Variants in SMC1B observed in about 807,000 individuals in gnomAD.
SMC1B encodes the protein structural maintenance of chromosomes 1B, also known as structural maintenance of chromosomes protein 1B.
Under a neutral mutation model 157.9 loss-of-function variants are expected in SMC1B, and 60 were observed. The observed-to-expected ratio is 0.38, with a 90% CI of 0.31 to 0.47. The LOEUF is 0.47. SMC1B is among the 20% of genes least tolerant of loss of function. SMC1B has a pLI of 0.99. For synonymous variants in SMC1B, 445 were observed against 483.0 expected (o/e 0.92, Z 1.03); for missense variants, 1,165 against 1,426.2 (o/e 0.82, Z 2.95).
chr22:45,350,514 G>A (rs2086603261), intron 22 of SMC1B, among the ~76,000 whole-genome samples: 1 of 152,260 alleles, frequency 6.6e-6, no homozygotes. Flanking sequence ...CTGACCTTGT[G>A]ATCTGCCTGC....
At chr22:45,361,130 G>T (rs1387632774) in intron 17 of SMC1B, among the ~76,000 whole-genome samples, 3 of 152,172 alleles carry the variant, frequency 2.0e-5, no homozygotes. Context: ...GGAAATTAAG[G>T]TATCATATGT....
In SMC1B at chr22:45,379,251, A is replaced by G. The variant is rs374683498; in HGVS notation, c.2058+4216T>C. Among the ~76,000 whole-genome samples the G allele has an allele frequency of 1.1e-4, 16 of 152,338 alleles. No homozygotes were observed. The East Asian group carries it at 3.1e-3, about 29-fold the overall frequency. On this transcript the variant is annotated intron_variant, in intron 12 of 24. Transcript: ENST00000357450. ...GTGATCCACCCACCTTGGCCTCCCA[A>G]AGTGTTGGGATTACAGGCGTGGGCC...
intron 11 of SMC1B, among the ~76,000 whole-genome samples, chr22:45,384,536 A>G (rs534667681): frequency 1.3e-5 from 2 of 152,212 alleles, no homozygotes; most frequent in South Asian, 4.1e-4. Context: ...CCTGGCCAAC[A>G]TGGTGAAACC....
chr22:45,354,178 TTC>T (rs1197549698), intron 20 of SMC1B, 46 bp from the exon 21 acceptor site: 40 of 1,404,744 alleles, frequency 2.8e-5, no homozygotes, highest in Non-Finnish European at 3.8e-5. Context: ...ACTGAGGAGG[TTC>T]TTTTACTTAA....
intron 19 of SMC1B, among the ~76,000 whole-genome samples, chr22:45,356,455 GGTTAAGGACTTGCCCCAGAGAGAA>G (rs2146768716): frequency 6.6e-6 from 1 of 152,298 alleles, no homozygotes; most frequent in East Asian, 1.9e-4. Context: ...ATTTTACCAA[GGTTAAGGACTTGCCCCAGAGAGAA>G]GTCTGTGCCT....
intron 19 of SMC1B, 106 bp from the exon 20 acceptor site, chr22:45,355,221 C>CA: frequency 1.9e-6 from 2 of 1,067,504 alleles, no homozygotes; most frequent in Non-Finnish European, 2.8e-6. Flanking sequence ...CCTGTGCATC[C>CA]ACTCCTTCTC....
intron 1 of SMC1B, among the ~76,000 whole-genome samples, chr22:45,412,236 T>C (rs1476309039): frequency 2.0e-5 from 3 of 151,184 alleles, no homozygotes; most frequent in Non-Finnish European, 4.4e-5. Flanking sequence ...GTCTCGCTCT[T>C]GTTACCCAGG....
rs2087090549 is a variant in SMC1B, at chr22:45,393,850, TAAC to T, written c.1338-12_1338-10del. 9 of 1,593,688 alleles carry T rather than the reference TAAC, an allele frequency of 5.6e-6. No individual in the cohort carries two copies. The East Asian group carries it at 2.0e-4, about 36-fold the overall frequency. ...TCTCTTTCAAGCAATCCCTACAAAATAACAACAAATTATACAGCAAAATGATAA... is the reference window on the plus strand; with the variant it reads ...TCTCTTTCAAGCAATCCCTACAAAATAACAAATTATACAGCAAAATGATAA... On this transcript the variant is annotated splice_polypyrimidine_tract_variant and intron_variant, in intron 8 of 24. Transcript: ENST00000357450.
chr22:45,393,856 C>A lies in SMC1B; in HGVS notation c.1338-15G>T, dbSNP rs575291390. On this transcript the variant is annotated splice_polypyrimidine_tract_variant and intron_variant, in intron 8 of 24. Transcript: ENST00000357450. ...TCAAGCAATCCCTACAAAATAACAA[C>A]AAATTATACAGCAAAATGATAAACC... The A allele has an allele frequency of 1.3e-6, 2 of 1,582,288 alleles. No individual in the cohort carries two copies. The highest frequency in any genetic ancestry group is 2.2e-5 in the East Asian group (1 of 44,712).
At chr22:45,365,145 TCTC>T (rs1005266860) in intron 15 of SMC1B, among the ~76,000 whole-genome samples, 9 of 152,072 alleles carry the variant, frequency 5.9e-5, no homozygotes, top group African/African-American at 2.2e-4. Context: ...CCGGATCTCT[TCTC>T]CTTTCTATCC....
rs537028154 is a variant in SMC1B, at chr22:45,374,807, T to C, written c.2059-2515A>G. On this transcript the variant is annotated intron_variant, in intron 12 of 24. Transcript: ENST00000357450. ...AGAGTAATGTGGCCTATATCGATTT[T>C]CCAGGATTGTTCTTCTTTTTTTGTT... Among the ~76,000 whole-genome samples, 4 of 152,312 alleles carry C rather than the reference T, an allele frequency of 2.6e-5. No individual in the cohort carries two copies. The South Asian group carries it at 8.3e-4, about 32-fold the overall frequency.
intron 15 of SMC1B, among the ~76,000 whole-genome samples, chr22:45,364,930 C>T (rs1202112837): frequency 4.0e-5 from 6 of 149,774 alleles, no homozygotes; most frequent in East Asian, 2.0e-4. Context: ...CTCCGCTTCC[C>T]GGGTTCACGC....
intron 24 of SMC1B, among the ~76,000 whole-genome samples, chr22:45,345,034 G>A (rs1264062295): frequency 6.6e-6 from 1 of 152,156 alleles, no homozygotes; most frequent in African/African-American, 2.4e-5. Flanking sequence ...CATTTTAGAA[G>A]TTACTATACA....
At chr22:45,363,627 G>A (rs924356937) in intron 15 of SMC1B, among the ~76,000 whole-genome samples, 1 of 151,838 alleles carries the variant, frequency 6.6e-6, no homozygotes, top group African/African-American at 2.4e-5. Flanking sequence ...AGTGAGTTGA[G>A]ATCACACCAC....
At chr22:45,372,065 T>A in intron 13 of SMC1B, 90 bp downstream of exon 13, 1 of 1,163,058 alleles carries the variant, frequency 8.6e-7, no homozygotes. Flanking sequence ...AAAAAGTATC[T>A]GAAAATTACA....
At chr22:45,366,358 T>C (rs2086776094) in intron 15 of SMC1B, among the ~76,000 whole-genome samples, 2 of 152,160 alleles carry the variant, frequency 1.3e-5, no homozygotes, top group East Asian at 1.9e-4. Context: ...TCAATAAACA[T>C]TGTAATAGGC....
intron 9 of SMC1B, among the ~76,000 whole-genome samples, chr22:45,390,963 A>C (rs1426218354): frequency 2.0e-5 from 3 of 152,092 alleles, no homozygotes; most frequent in African/African-American, 7.2e-5. Context: ...TTGCTGTTTA[A>C]ATATCTTTGA....
At chr22:45,354,385 AGTATGTATGTATGTAT>A (rs1555924709) in intron 20 of SMC1B, among the ~76,000 whole-genome samples, 2 of 87,120 alleles carry the variant, frequency 2.3e-5, no homozygotes, top group East Asian at 6.3e-4. Context: ...TATGTATGTA[AGTATGTATGTATGTAT>A]GTATTTAGAG....
intron 12 of SMC1B, among the ~76,000 whole-genome samples, chr22:45,373,699 C>T (rs1432335426): frequency 3.3e-5 from 5 of 152,168 alleles, no homozygotes; most frequent in Admixed American, 6.5e-5. Context: ...AGGTTAGAAG[C>T]GAGGTAGGGT....
Sources: gnomAD v4.1 joint callset for allele counts (sites outside exome capture counted in the v4.1 genomes callset) on GRCh38, gnomAD v4.1.1 for gene constraint, MANE v1.5 for transcripts, NCBI Gene and HGNC (gene_info 2026-07-23, HGNC 2026-07-21) for gene names.